Variants in COL21A1 observed in about 807,000 individuals in gnomAD.
COL21A1 encodes collagen type XXI alpha 1 chain.
A neutral mutation model predicts 137.9 loss-of-function variants in COL21A1; 149 were observed. The ratio of observed to expected loss-of-function variants is 1.08; its 90% CI spans 0.95 to 1.24. COL21A1 has a LOEUF of 1.24. Ranked by LOEUF, COL21A1 falls within the 50% of genes most tolerant of loss-of-function variation. The pLI, the probability that COL21A1 is intolerant of heterozygous loss-of-function variation, is 0.00. For synonymous variants in COL21A1, 456 were observed against 391.5 expected, an observed-to-expected ratio of 1.16 and a Z score of -1.95; for missense variants, 1,167 against 1,158.4, an observed-to-expected ratio of 1.01 and a Z score of -0.11.
intron 1 of COL21A1, among the ~76,000 whole-genome samples, chr6:56,359,747 C>G (rs1377583049): frequency 6.6e-6 from 1 of 152,076 alleles, no homozygotes; most frequent in Admixed American, 6.5e-5. Context: ...TTAAATTAAA[C>G]TCAGTGGTTT....
chr6:56,332,707 A>C (rs1224760004), intron 1 of COL21A1, among the ~76,000 whole-genome samples: 1 of 151,824 alleles, frequency 6.6e-6, no homozygotes, highest in Non-Finnish European at 1.5e-5. Flanking sequence ...ACTCCATGTC[A>C]ATTAACTAGA....
intron 16 of COL21A1, among the ~76,000 whole-genome samples, chr6:56,109,212 AAAAC>A (rs1771206371): frequency 6.6e-6 from 1 of 151,748 alleles, no homozygotes; most frequent in African/African-American, 2.4e-5. Context: ...ATAAAAGTAA[AAAAC>A]AAAAATTTAA....
At chr6:56,327,090 A>G (rs1765112454) in intron 1 of COL21A1, among the ~76,000 whole-genome samples, 1 of 151,982 alleles carries the variant, frequency 6.6e-6, no homozygotes, top group Non-Finnish European at 1.5e-5. Flanking sequence ...AGATGATGTA[A>G]AACTTTATTA....
chr6:56,242,710 G>GAAT lies in COL21A1; in HGVS notation c.-39+4674_-39+4676dup, dbSNP rs201305967. Among the ~76,000 whole-genome samples the GAAT allele has an allele frequency of 2.6e-5, 4 of 152,196 alleles. No homozygotes were observed. In the East Asian group the frequency reaches 7.7e-4, roughly 29 times the overall value. On this transcript the variant is annotated intron_variant, in intron 1 of 29. Coordinates refer to ENST00000244728, the MANE Select transcript of COL21A1 (RefSeq NM_030820.4). ...AACAACAAGGAGAAAAAATTATATT[G>GAAT]AATTCTTTGAAGTGACAAAGGTGAA...
At chr6:56,322,259 C>A (rs116329640) in intron 1 of COL21A1, among the ~76,000 whole-genome samples, 2,752 of 152,220 alleles carry the variant, frequency 0.018, 81 homozygotes, top group African/African-American at 0.063. Flanking sequence ...GGGCCCAATT[C>A]TTCTCCATAA....
intron 1 of COL21A1, among the ~76,000 whole-genome samples, chr6:56,203,194 C>T (rs1779522277): frequency 6.6e-6 from 1 of 152,144 alleles, no homozygotes; most frequent in African/African-American, 2.4e-5. Context: ...TCTAACCTTC[C>T]AATTCATTCA....
At chr6:56,226,379 C>T (rs1439200702) in intron 1 of COL21A1, among the ~76,000 whole-genome samples, 1 of 152,008 alleles carries the variant, frequency 6.6e-6, no homozygotes, top group African/African-American at 2.4e-5. Context: ...TCTACTGTAA[C>T]TTTCAAGAGA....
intron 12 of COL21A1, among the ~76,000 whole-genome samples, chr6:56,130,502 G>A (rs1773474189): frequency 6.6e-6 from 1 of 152,020 alleles, no homozygotes; most frequent in African/African-American, 2.4e-5. Context: ...GGTAAGCTGA[G>A]ATTCCCTATT....
At chr6:56,392,878 T>C (rs1050436649) in intron 1 of COL21A1, among the ~76,000 whole-genome samples, 11 of 152,036 alleles carry the variant, frequency 7.2e-5, no homozygotes, top group Admixed American at 5.9e-4. Context: ...TATTCCCATG[T>C]TCATAGAGAA....
intron 12 of COL21A1, among the ~76,000 whole-genome samples, chr6:56,134,680 G>A (rs1773842492): frequency 6.6e-6 from 1 of 152,208 alleles, no homozygotes; most frequent in Admixed American, 6.5e-5. Flanking sequence ...CCAACGGGAG[G>A]CAATTGAATC....
At chr6:56,134,980 A>C (rs1465053335) in intron 12 of COL21A1, among the ~76,000 whole-genome samples, 1 of 152,186 alleles carries the variant, frequency 6.6e-6, no homozygotes, top group Non-Finnish European at 1.5e-5. Flanking sequence ...ACACTAATAC[A>C]AATGCTTACC....
chr6:56,257,427 A>G (rs1763125317), intron 1 of COL21A1, among the ~76,000 whole-genome samples: 2 of 152,164 alleles, frequency 1.3e-5, no homozygotes, highest in African/African-American at 4.8e-5. Context: ...ACCCAATAGA[A>G]TAATCACAAA....
At chr6:56,156,490 A>G (rs1258453344) in intron 10 of COL21A1, among the ~76,000 whole-genome samples, 2 of 152,056 alleles carry the variant, frequency 1.3e-5, no homozygotes, top group Admixed American at 6.5e-5. Flanking sequence ...CCTGAGAGCC[A>G]CCCCTTTGAA....
chr6:56,379,524 T>C (rs1186728405), intron 1 of COL21A1, among the ~76,000 whole-genome samples: 3 of 152,122 alleles, frequency 2.0e-5, no homozygotes, highest in Non-Finnish European at 2.9e-5. Context: ...AAATAAGATA[T>C]AGATGAATAT....
At chr6:56,118,168 AT>A (rs1379921086) in intron 16 of COL21A1, among the ~76,000 whole-genome samples, 2 of 151,992 alleles carry the variant, frequency 1.3e-5, no homozygotes, top group Non-Finnish European at 2.9e-5. Flanking sequence ...GACAAACAAA[AT>A]TGACAAATTT....
intron 1 of COL21A1, among the ~76,000 whole-genome samples, chr6:56,257,774 T>A (rs554836977): frequency 8.5e-5 from 13 of 152,350 alleles, no homozygotes; most frequent in African/African-American, 3.1e-4. Context: ...CATAAAATAT[T>A]CTTTTAATTT....
chr6:56,151,201 G>C (rs1031799669), intron 10 of COL21A1, among the ~76,000 whole-genome samples: 1 of 152,156 alleles, frequency 6.6e-6, no homozygotes, highest in Non-Finnish European at 1.5e-5. Flanking sequence ...ACTCCAGCCT[G>C]GACGACAGAG....
chr6:56,110,887 C>T (rs1771367363), intron 16 of COL21A1, among the ~76,000 whole-genome samples: 1 of 152,036 alleles, frequency 6.6e-6, no homozygotes, highest in African/African-American at 2.4e-5. Context: ...GTTAAGATGG[C>T]AACTCTCCCC....
Position 56,311,733 on chromosome 6 carries a change from A to G in COL21A1, c.-39+82238T>C, listed in dbSNP as rs550917774. ...CTGGAAACACTTCTTGGGACCCATT[A>G]GGCCCTGGGCTGAGCCTTGACATGG... On this transcript the variant is annotated intron_variant, in intron 1 of 28. Transcript: ENST00000370819. Among the ~76,000 whole-genome samples, 73 of 152,332 alleles carry G rather than the reference A, an allele frequency of 4.8e-4. 1 individual carries two copies. Among genetic ancestry groups the G allele is most frequent in the African/African-American group, 1.7e-3 (71 of 41,582 alleles).
Sources: gnomAD v4.1 joint callset for allele counts (sites outside exome capture counted in the v4.1 genomes callset) on GRCh38, gnomAD v4.1.1 for gene constraint, MANE v1.5 for transcripts, NCBI Gene and HGNC (gene_info 2026-07-23, HGNC 2026-07-21) for gene names.